Variants in TASP1 observed in about 807,000 individuals in gnomAD.
TASP1 encodes threonine aspartase 1.
TASP1 carries 16 observed loss-of-function variants against 56.6 expected under a neutral mutation model. That is an observed-to-expected ratio of 0.28 (90% CI 0.19 to 0.43). The LOEUF is 0.43. Ranked by LOEUF, TASP1 falls within the 20% of genes least tolerant of loss-of-function variation. The pLI is 1.00. For missense variants in TASP1, 393 were observed against 511.6 expected (o/e 0.77, Z 2.24); for synonymous variants, 179 against 184.2 (o/e 0.97, Z 0.23).
chr20:13,593,005 G>C (rs928308310), intron 4 of TASP1, among the ~76,000 whole-genome samples: 3 of 152,008 alleles, frequency 2.0e-5, no homozygotes, highest in Non-Finnish European at 4.4e-5. Context: ...TCCAACATTA[G>C]AAAATCAATT....
intron 10 of TASP1, among the ~76,000 whole-genome samples, chr20:13,496,912 C>T (rs1169936016): frequency 1.3e-5 from 2 of 152,094 alleles, no homozygotes; most frequent in Non-Finnish European, 2.9e-5. Flanking sequence ...TATGAGAAAA[C>T]AGAGCCATGG....
chr20:13,627,523 G>C (rs569697605), intron 2 of TASP1, among the ~76,000 whole-genome samples: 1 of 152,058 alleles, frequency 6.6e-6, no homozygotes, highest in Non-Finnish European at 1.5e-5. Context: ...AGGCCGAGGC[G>C]GGTGGATCAC....
the TASP1 span, among the ~76,000 whole-genome samples, chr20:13,229,159 T>C: frequency 0.16 from 23,532 of 151,524 alleles, 2,116 homozygotes; most frequent in East Asian, 0.41. Context: ...TCTTTCTGCA[T>C]TTTTTAAAGT....
At chr20:13,431,914 C>A (rs1020306261) in intron 12 of TASP1, among the ~76,000 whole-genome samples, 1 of 152,224 alleles carries the variant, frequency 6.6e-6, no homozygotes, top group Non-Finnish European at 1.5e-5. Context: ...TACAGATAGT[C>A]CCCGCCAGCA....
chr20:13,148,282 G>A, the TASP1 span, among the ~76,000 whole-genome samples: 1 of 152,158 alleles, frequency 6.6e-6, no homozygotes, highest in Non-Finnish European at 1.5e-5. Context: ...AGCATTGGAG[G>A]GGAGGTTAAA....
the TASP1 span, among the ~76,000 whole-genome samples, chr20:13,215,839 G>A: frequency 1.3e-5 from 2 of 152,170 alleles, no homozygotes; most frequent in East Asian, 1.9e-4. Context: ...TGTTGCTGGC[G>A]ATCCAGGTGT....
intron 13 of TASP1, among the ~76,000 whole-genome samples, chr20:13,393,938 G>A (rs1365975734): frequency 6.6e-6 from 1 of 152,048 alleles, no homozygotes; most frequent in East Asian, 1.9e-4. Context: ...TGACCAATCT[G>A]TTTGGCTGAA....
At chr20:13,617,264 G>A (rs1246352674) in intron 4 of TASP1, 4 of 202,378 alleles carry the variant, frequency 2.0e-5, no homozygotes, top group South Asian at 6.1e-5. Context: ...ATAATACCAA[G>A]TAAAGAAAAA....
the TASP1 span, among the ~76,000 whole-genome samples, chr20:13,372,530 T>C: frequency 1.5e-4 from 22 of 151,400 alleles, no homozygotes; most frequent in African/African-American, 4.8e-4. Flanking sequence ...TCATGTTATA[T>C]ATGTATACAC....
chr20:13,632,223 G>C, intron 1 of TASP1, among the ~76,000 whole-genome samples: 1 of 151,666 alleles, frequency 6.6e-6, no homozygotes, highest in Non-Finnish European at 1.5e-5. Context: ...AGCTGGGCAT[G>C]GTGGCGCGTT....
the TASP1 span, among the ~76,000 whole-genome samples, chr20:13,321,226 T>A: frequency 7.4e-6 from 1 of 135,302 alleles, no homozygotes; most frequent in Non-Finnish European, 1.6e-5. Flanking sequence ...GAGATCGTCT[T>A]TATCTAGAAT....
the TASP1 span, among the ~76,000 whole-genome samples, chr20:13,207,595 C>T: frequency 6.6e-6 from 1 of 152,134 alleles, no homozygotes; most frequent in East Asian, 1.9e-4. Flanking sequence ...GGTGTACGTC[C>T]CAGTTAAGGG....
chr20:13,588,250 AAAGGAAGGAAGGAAGGAAGGAAGGAAGG>A lies in TASP1; in HGVS notation c.283-908_283-881del, dbSNP rs71334135. 4.3e-4 allele frequency among the ~76,000 whole-genome samples: 42 copies of A among 96,676 alleles called. 1 individual carries two copies. The highest frequency in any genetic ancestry group is 2.8e-3 in the South Asian group (7 of 2,512). The allele number at this position is 96,676 out of a possible 152,430, so 63.4% of individuals were successfully genotyped here. A position where few individuals can be genotyped will look rare whatever the true frequency, so the allele number is the denominator to read the frequency against. Reference sequence around the variant, plus strand: ...AAAAAGGAGAAAGAAAGAAAGGAAGAAAGGAAGGAAGGAAGGAAGGAAGGAAGGAAGGAAGGAAGGAAGGAAGGAAGGA... The same window carrying A: ...AAAAAGGAGAAAGAAAGAAAGGAAGAAAGGAAGGAAGGAAGGAAGGAAGGA... On this transcript the variant is annotated intron_variant, in intron 4 of 13. Coordinates refer to ENST00000337743, the MANE Select transcript of TASP1 (RefSeq NM_017714.3).
At chr20:13,226,292 T>C in the TASP1 span, among the ~76,000 whole-genome samples, 12 of 152,356 alleles carry the variant, frequency 7.9e-5, no homozygotes, top group Middle Eastern at 3.4e-3. Context: ...AAGCCACTTA[T>C]AGCAGTAGAA....
intron 8 of TASP1, among the ~76,000 whole-genome samples, chr20:13,548,781 G>A (rs546989377): frequency 6.6e-6 from 1 of 152,146 alleles, no homozygotes; most frequent in South Asian, 2.1e-4. Context: ...TTATGCAATG[G>A]GTGCTTTTCT....
At chr20:13,306,224 G>T in the TASP1 span, among the ~76,000 whole-genome samples, 1 of 152,064 alleles carries the variant, frequency 6.6e-6, no homozygotes, top group African/African-American at 2.4e-5. Flanking sequence ...TGACTCAAAG[G>T]ATATAAAAAT....
At chr20:13,593,388 CG>C (rs1388094292) in intron 4 of TASP1, among the ~76,000 whole-genome samples, 1 of 152,062 alleles carries the variant, frequency 6.6e-6, no homozygotes, top group Non-Finnish European at 1.5e-5. Flanking sequence ...GAGGGTGAGC[CG>C]AAGCTGGGTG....
intron 11 of TASP1, among the ~76,000 whole-genome samples, chr20:13,469,428 T>A (rs2044387878): frequency 1.3e-5 from 2 of 152,180 alleles, no homozygotes; most frequent in South Asian, 4.1e-4. Flanking sequence ...TCCAAGAAGT[T>A]ATTCTCTTGC....
chr20:13,621,882 C>T (rs79202289), intron 4 of TASP1, among the ~76,000 whole-genome samples: 1 of 152,192 alleles, frequency 6.6e-6, no homozygotes, highest in East Asian at 1.9e-4. Flanking sequence ...CCCAGACCTA[C>T]AGTGACTCCA....
Sources: allele counts gnomAD v4.1 joint callset (sites outside exome capture counted in the v4.1 genomes callset), GRCh38; gene constraint gnomAD v4.1.1; transcripts MANE v1.5; gene names NCBI Gene and HGNC (gene_info 2026-07-23, HGNC 2026-07-21).